NFKB1: variants seen among roughly 807,000 people sequenced by gnomAD.
NFKB1 encodes the protein nuclear factor NF-kappa-B p105 subunit.
A neutral mutation model predicts 105.1 loss-of-function variants in NFKB1; 9 were observed. The ratio of observed to expected loss-of-function variants is 0.09; its 90% confidence interval spans 0.05 to 0.15. The LOEUF (loss-of-function observed/expected upper bound fraction) is 0.15. Among genes scored for constraint, NFKB1 ranks in the 10% least tolerant of loss-of-function variants. NFKB1 has a pLI of 1.00. For missense variants in NFKB1, 830 were observed against 1,203.7 expected (o/e 0.69, Z 4.59); for synonymous variants, 440 against 442.2 (o/e 1.00, Z 0.06).
At chr4:102,601,143 C>T (rs531193982) in intron 16 of NFKB1, 134 bp downstream of exon 16, 1 of 602,842 alleles carries the variant, frequency 1.7e-6, no homozygotes, top group African/African-American at 1.9e-5. Flanking sequence ...TAGGTAATAT[C>T]TAAAATCCCA....
chr4:102,596,064 C>T, intron 13 of NFKB1, 74 bp from the exon 14 acceptor site: 2 of 987,738 alleles, frequency 2.0e-6, no homozygotes, highest in South Asian at 2.5e-5. Flanking sequence ...CTTTATCTGA[C>T]CTACATTGGA....
intron 16 of NFKB1, among the ~76,000 whole-genome samples, chr4:102,606,257 GATAA>G (rs1190314928): frequency 6.6e-6 from 1 of 152,162 alleles, no homozygotes; most frequent in Non-Finnish European, 1.5e-5. Context: ...TTAAATTTAA[GATAA>G]ATAAGAATTT....
intron 13 of NFKB1, 46 bp downstream of exon 13, chr4:102,595,027 T>G (rs2149205174): frequency 1.5e-6 from 2 of 1,336,028 alleles, no homozygotes; most frequent in Non-Finnish European, 2.1e-6. Flanking sequence ...AAAAAATAAT[T>G]AATGCTAAAA....
intron 11 of NFKB1, among the ~76,000 whole-genome samples, chr4:102,590,578 T>C (rs541743669): frequency 9.7e-5 from 9 of 93,186 alleles, no homozygotes; most frequent in Admixed American, 3.2e-4. Context: ...TGAACAGTGA[T>C]CTTTGATGTT....
At position 102,599,021 on chromosome 4, in the gene NFKB1, T is replaced by C. The variant is rs150798791; in HGVS notation, c.1637+1360T>C. Among the ~76,000 whole-genome samples, 103 of 152,304 alleles carry C rather than the reference T, an allele frequency of 6.8e-4. 2 individuals are homozygous for C. In the East Asian group the frequency reaches 7.9e-3, roughly 12 times the overall value. On this transcript the variant is annotated intron_variant, in intron 15 of 23. Transcript: ENST00000226574. Reference sequence around the variant, plus strand: ...CTTGTTTTAATTCAGCTCGTCATATTTGGCTAATAGTTTAAATCCTGTGGC... The same window carrying C: ...CTTGTTTTAATTCAGCTCGTCATATCTGGCTAATAGTTTAAATCCTGTGGC...
rs1337897895 is a variant in NFKB1, at chr4:102,531,906, A to G, written c.119-1939A>G. Among the ~76,000 whole-genome samples, 9 of 152,152 alleles carry G rather than the reference A, an allele frequency of 5.9e-5. No homozygotes were observed. The East Asian group carries it at 1.7e-3, about 29-fold the overall frequency. ...TCCTCTGTATTTTTCATGACATCCA[A>G]ATATTGCTCTGTTAGAGGACTGTCT... On this transcript the variant is annotated intron_variant, in intron 3 of 23. Transcript: ENST00000226574.
chr4:102,531,288 A>G (rs923248651), intron 3 of NFKB1, among the ~76,000 whole-genome samples: 3 of 152,202 alleles, frequency 2.0e-5, no homozygotes, highest in Non-Finnish European at 2.9e-5. Context: ...TTTTGCCATA[A>G]TATTAGAAAA....
Position 102,582,966 on chromosome 4 carries a change from T to TTTA in NFKB1, c.927+22_927+24dup. On this transcript the variant is annotated intron_variant, in intron 10 of 23. Coordinates refer to ENST00000226574, the MANE Select transcript of NFKB1 (RefSeq NM_003998.4). ...CAGATGTTCATAGACAAGTAAGTGA[T>TTTA]TTATTATTATTATTAATCCTTATTA... 1.3e-6 allele frequency: 2 copies of TTTA among 1,553,016 alleles called. No homozygotes were observed. The highest frequency in any genetic ancestry group is 1.8e-6 in the Non-Finnish European group (2 of 1,126,982).
At chr4:102,580,432 C>G in intron 8 of NFKB1, 103 bp from the exon 9 acceptor site, 3 of 832,000 alleles carry the variant, frequency 3.6e-6, no homozygotes, top group Non-Finnish European at 6.0e-6. Flanking sequence ...TGTATTTAAG[C>G]TTTGTTTTGG....
chr4:102,557,182 TCTC>T (rs1436031549), intron 5 of NFKB1: 1 of 152,108 alleles, frequency 6.6e-6, no homozygotes, highest in African/African-American at 2.4e-5. Flanking sequence ...CAAGAGAGAA[TCTC>T]AACTGCAGAT....
intron 5 of NFKB1, among the ~76,000 whole-genome samples, chr4:102,548,756 C>T (rs1443670207): frequency 6.6e-6 from 1 of 152,094 alleles, no homozygotes; most frequent in Non-Finnish European, 1.5e-5. Context: ...TGACTTGCAG[C>T]TGCATCATTC....
intron 15 of NFKB1, 52 bp from the exon 16 acceptor site, chr4:102,600,838 ATCTTT>A: frequency 9.9e-7 from 1 of 1,007,716 alleles, no homozygotes; most frequent in Non-Finnish European, 1.6e-6. Flanking sequence ...CATCTTGGGA[ATCTTT>A]TCTTTTTCAT....
rs201395077 is a variant in NFKB1, at chr4:102,597,524, C to A, written c.1500C>A (p.Asn500Lys). 4.7e-5 allele frequency: 76 copies of A among 1,610,356 alleles called. No homozygotes were observed. In the Admixed American group the frequency reaches 8.0e-4, roughly 17 times the overall value. Residue 500 changes from asparagine to lysine, a missense_variant, in exon 15 of 24, where the codon AAC becomes AAA. This residue lies in a region of NFKB1 where 163 missense variants were observed against 164.3 expected (regional missense o/e 0.99). Transcript: ENST00000226574. ...ATTGTGGTCATTGCCTTACAGATAA[C>A]CTCTTTCTAGAGAAGGCTATGCAGC... ...TKEESAGVQD[N>K]LFLEKAMQLA...
At chr4:102,515,971 G>A (rs921021292) in intron 1 of NFKB1, among the ~76,000 whole-genome samples, 1 of 152,068 alleles carries the variant, frequency 6.6e-6, no homozygotes, top group Admixed American at 6.5e-5. Context: ...ACTTGAAAAT[G>A]TCAATTTCAC....
rs1740730019 is a variant in NFKB1, at chr4:102,523,916, C to T, written c.-7-1596C>T. Reference sequence around the variant, plus strand: ...GTAGGGTATACACTAGGTAAGCAGTCACATTTCCAGCTACAATACTAATTC... The same window carrying T: ...GTAGGGTATACACTAGGTAAGCAGTTACATTTCCAGCTACAATACTAATTC... On this transcript the variant is annotated intron_variant, in intron 1 of 23. Transcript: ENST00000226574. Among the ~76,000 whole-genome samples, 3 of 152,010 alleles carry T rather than the reference C, an allele frequency of 2.0e-5. No individual in the cohort carries two copies. In the South Asian group the frequency reaches 6.2e-4, roughly 31 times the overall value.
chr4:102,518,149 T>C (rs1740324764), intron 1 of NFKB1, among the ~76,000 whole-genome samples: 1 of 152,114 alleles, frequency 6.6e-6, no homozygotes, highest in Non-Finnish European at 1.5e-5. Context: ...GTGAAAATGA[T>C]ATATTGGCAG....
chr4:102,560,612 A>G (rs1416502173), intron 5 of NFKB1, among the ~76,000 whole-genome samples: 2 of 152,122 alleles, frequency 1.3e-5, no homozygotes, highest in African/African-American at 2.4e-5. Context: ...GTCAAAGAGG[A>G]TTTTTTTCAT....
intron 5 of NFKB1, among the ~76,000 whole-genome samples, chr4:102,540,013 T>C (rs1228783094): frequency 2.6e-5 from 4 of 152,196 alleles, no homozygotes; most frequent in Non-Finnish European, 2.9e-5. Context: ...TGTGTCTGTG[T>C]GTCACATGTA....
At position 102,584,733 on chromosome 4, in the gene NFKB1, C is replaced by T. The variant is rs1237040358; in HGVS notation, c.979C>T (p.Pro327Ser). 2 of 1,612,274 alleles carry T rather than the reference C, an allele frequency of 1.2e-6. No homozygotes were observed. Among genetic ancestry groups the T allele is most frequent in the Non-Finnish European group, 1.7e-6 (2 of 1,179,054 alleles). ...PKYKDINITK[P>S]ASVFVQLRRK... ...GTATAAAGATATTAATATTACAAAA[C>T]CAGCCTCTGTGTTTGTCCAGCTTCG... The change falls in exon 11 of 24, where the codon CCA becomes TCA. Residue 327 changes from proline to serine, a missense_variant. Transcript: ENST00000226574.
Sources: allele counts gnomAD v4.1 joint callset (sites outside exome capture counted in the v4.1 genomes callset), GRCh38; gene constraint gnomAD v4.1.1; regional missense constraint gnomAD v4.1.1; transcripts MANE v1.5; gene names NCBI Gene and HGNC (gene_info 2026-07-23, HGNC 2026-07-21).